DNM3: variants seen among roughly 807,000 people sequenced by gnomAD.
The protein encoded by DNM3 is dynamin 3, also known as dynamin-3.
Under a neutral mutation model 101.6 loss-of-function variants are expected in DNM3, and 47 were observed. That is an observed-to-expected ratio of 0.46 (90% confidence interval 0.37 to 0.59). The LOEUF (loss-of-function observed/expected upper bound fraction) is 0.59. Ranked by LOEUF, DNM3 falls within the 20% of genes least tolerant of loss-of-function variation. The pLI is 0.00. For missense variants in DNM3, 849 were observed against 1,085.7 expected, an observed-to-expected ratio of 0.78 and a Z score of 3.06; for synonymous variants, 385 against 387.9, an observed-to-expected ratio of 0.99 and a Z score of 0.09.
rs139253995 is a variant in DNM3, at chr1:172,318,532, A to T, written c.1882-4797A>T. On this transcript the variant is annotated intron_variant, in intron 16 of 20. Coordinates refer to ENST00000627582, the MANE Select transcript of DNM3 (RefSeq NM_015569.5). ...TCTCCTTAAGCTGATAAGCAACTTC[A>T]GCAAAGTCTCAGGATATACAATCAA... 7.5e-3 allele frequency among the ~76,000 whole-genome samples: 1,138 copies of T among 152,352 alleles called. 11 individuals carry two copies. The highest frequency in any genetic ancestry group is 0.041 in the Middle Eastern group (12 of 294).
At chr1:171,951,989 A>G (rs1482922958) in intron 2 of DNM3, among the ~76,000 whole-genome samples, 2 of 152,212 alleles carry the variant, frequency 1.3e-5, no homozygotes, top group Non-Finnish European at 2.9e-5. Context: ...GGTAGATTCA[A>G]AGATTTTGTG....
At chr1:171,951,092 T>G (rs1245045124) in intron 2 of DNM3, among the ~76,000 whole-genome samples, 1 of 152,196 alleles carries the variant, frequency 6.6e-6, no homozygotes, top group Non-Finnish European at 1.5e-5. Flanking sequence ...ATACATTTTT[T>G]TAAAGGCTAA....
At chr1:172,294,994 G>T (rs1169814253) in intron 15 of DNM3, among the ~76,000 whole-genome samples, 1 of 150,700 alleles carries the variant, frequency 6.6e-6, no homozygotes, top group East Asian at 1.9e-4. Flanking sequence ...TACCCCAAAA[G>T]TCATACACAA....
At chr1:171,974,333 T>C (rs1040105739) in intron 2 of DNM3, among the ~76,000 whole-genome samples, 5 of 152,198 alleles carry the variant, frequency 3.3e-5, no homozygotes, top group Non-Finnish European at 7.3e-5. Context: ...TCAAGTAAGA[T>C]AGTTTTTTTC....
At chr1:172,346,241 A>G (rs1451579388) in intron 17 of DNM3, among the ~76,000 whole-genome samples, 1 of 152,242 alleles carries the variant, frequency 6.6e-6, no homozygotes, top group Non-Finnish European at 1.5e-5. Flanking sequence ...AGCTATGGAA[A>G]AGAGAATGCA....
Position 172,032,519 on chromosome 1 carries a change from T to G in DNM3, c.688+19T>G. On this transcript the variant is annotated intron_variant, in intron 5 of 20. Coordinates refer to ENST00000627582, the MANE Select transcript of DNM3 (RefSeq NM_015569.5). ...CGCAGGGGTAATGTACTGTGGTCTATACAAGACTTTTTTTTTTTTTTTTTT... is the reference window on the plus strand; with the variant it reads ...CGCAGGGGTAATGTACTGTGGTCTAGACAAGACTTTTTTTTTTTTTTTTTT... 1 of 893,718 alleles carries G rather than the reference T, an allele frequency of 1.1e-6. No individual in the cohort carries two copies. Among genetic ancestry groups the G allele is most frequent in the Non-Finnish European group, 1.7e-6 (1 of 590,474 alleles). 55.4% of individuals were successfully genotyped at this position (893,718 alleles called of 1,614,324 possible). A position where few individuals can be genotyped will look rare whatever the true frequency, so the allele number is the denominator to read the frequency against.
At chr1:172,239,804 T>TTTTC (rs2061681831) in intron 14 of DNM3, among the ~76,000 whole-genome samples, 1 of 78,212 alleles carries the variant, frequency 1.3e-5, no homozygotes, top group Non-Finnish European at 2.6e-5. Context: ...TTTTCTCTTT[T>TTTTC]TTTTTTTTTT....
At chr1:172,091,694 A>G (rs549382939) in intron 12 of DNM3, among the ~76,000 whole-genome samples, 9 of 152,274 alleles carry the variant, frequency 5.9e-5, no homozygotes, top group Admixed American at 3.3e-4. Flanking sequence ...AGACCCTTGT[A>G]TGGACTTTGG....
chr1:172,315,434 T>A (rs1170889028), intron 16 of DNM3, among the ~76,000 whole-genome samples: 3 of 152,172 alleles, frequency 2.0e-5, no homozygotes, highest in Non-Finnish European at 4.4e-5. Context: ...ACGATCAAAC[T>A]ACTCCGAGCT....
rs563908923 is a variant in DNM3 at position 172,068,745 on chromosome 1, A to G, written c.1336-74A>G. The G allele has an allele frequency of 2.6e-4, 334 of 1,280,436 alleles. 2 individuals are homozygous for G. In the South Asian group the frequency reaches 3.4e-3, roughly 13 times the overall value. The allele number at this position is 1,280,436 out of a possible 1,614,324, so 79.3% of individuals were successfully genotyped here. On this transcript the variant is annotated intron_variant, in intron 10 of 20. Transcript: ENST00000627582. ...CAATGAATATCTTCTGTAAAATAAC[A>G]TAATTTATCTCTGCTTCTTTTTTGG...
chr1:172,277,678 A>G (rs903286100), intron 15 of DNM3, among the ~76,000 whole-genome samples: 4 of 152,112 alleles, frequency 2.6e-5, no homozygotes, highest in African/African-American at 9.7e-5. Context: ...GTAAATAATA[A>G]TTAAAATAAT....
chr1:171,991,158 G>A (rs1399443040), intron 4 of DNM3, among the ~76,000 whole-genome samples: 2 of 152,126 alleles, frequency 1.3e-5, no homozygotes, highest in Non-Finnish European at 2.9e-5. Flanking sequence ...GATGTGTGGT[G>A]ATTTCTCCCT....
In DNM3 at chr1:172,410,275, A is replaced by T. The variant is rs559711219; in HGVS notation, c.*2434A>T. On this transcript the variant is annotated 3_prime_UTR_variant, in exon 21 of 21. Coordinates refer to ENST00000627582, the MANE Select transcript of DNM3 (RefSeq NM_015569.5). ...AAGTCTGAAACTCTAGTATGTGCAT[A>T]GTTTGACGTGCAGCATGCACACCAG... 1 of 985,386 alleles carries T rather than the reference A, an allele frequency of 1.0e-6. No homozygotes were observed. The highest frequency in any genetic ancestry group is 4.7e-5 in the South Asian group (1 of 21,292). The allele number at this position is 985,386 out of a possible 1,614,324, so 61.0% of individuals were successfully genotyped here. A position where few individuals can be genotyped will look rare whatever the true frequency, so the allele number is the denominator to read the frequency against.
intron 15 of DNM3, among the ~76,000 whole-genome samples, chr1:172,274,150 A>AT (rs1426793347): frequency 1.3e-5 from 2 of 152,044 alleles, no homozygotes; most frequent in Non-Finnish European, 2.9e-5. Context: ...CTTAGCATCG[A>AT]AAGCCATGTC....
intron 4 of DNM3, among the ~76,000 whole-genome samples, chr1:171,993,498 CTT>C (rs145178902): frequency 7.0e-5 from 9 of 128,638 alleles, no homozygotes; most frequent in Admixed American, 1.6e-4. Flanking sequence ...TTTCAAGATT[CTT>C]TTTTTTTTTT....
At chr1:172,231,297 G>A (rs1034437086) in intron 14 of DNM3, among the ~76,000 whole-genome samples, 2 of 152,238 alleles carry the variant, frequency 1.3e-5, no homozygotes, top group South Asian at 2.1e-4. Flanking sequence ...AACATTTGCT[G>A]TTCTGCAGCC....
At chr1:171,853,291 G>A (rs890018512) in intron 1 of DNM3, among the ~76,000 whole-genome samples, 3 of 152,008 alleles carry the variant, frequency 2.0e-5, no homozygotes, top group African/African-American at 7.2e-5. Flanking sequence ...AGCCTTCCGA[G>A]TAGCTGAGAC....
intron 4 of DNM3, among the ~76,000 whole-genome samples, chr1:171,996,137 G>A (rs991355567): frequency 5.9e-5 from 9 of 152,066 alleles, no homozygotes; most frequent in African/African-American, 1.7e-4. Flanking sequence ...TTCAGTATAT[G>A]TAGAATGTCA....
intron 17 of DNM3, among the ~76,000 whole-genome samples, chr1:172,366,195 C>T (rs2068008706): frequency 6.6e-6 from 1 of 151,886 alleles, no homozygotes; most frequent in South Asian, 2.1e-4. Context: ...TACATGACTG[C>T]AGCCTGGGCA....
Sources: gnomAD v4.1 joint callset for allele counts (sites outside exome capture counted in the v4.1 genomes callset) on GRCh38, gnomAD v4.1.1 for gene constraint, MANE v1.5 for transcripts, NCBI Gene and HGNC (gene_info 2026-07-23, HGNC 2026-07-21) for gene names.